ZFHX4: variants seen among roughly 807,000 people sequenced by gnomAD.
ZFHX4 encodes the protein zinc finger homeobox protein 4.
ZFHX4 carries 56 observed loss-of-function variants against 267.6 expected under a neutral mutation model. The observed-to-expected ratio is 0.21, with a 90% CI of 0.17 to 0.26. The LOEUF is 0.26. Among genes scored for constraint, ZFHX4 ranks in the 10% least tolerant of loss-of-function variants. The pLI is 1.00. For missense variants in ZFHX4, 4,332 were observed against 4,420.0 expected (o/e 0.98, Z 0.56); for synonymous variants, 1,778 against 1,665.6 (o/e 1.07, Z -1.64).
Position 76,681,560 on chromosome 8 carries a change from A to G in ZFHX4, c.-107A>G. The G allele has an allele frequency of 2.5e-6, 1 of 398,554 alleles. No homozygotes were observed. The highest frequency in any genetic ancestry group is 4.4e-6 in the Non-Finnish European group (1 of 226,032). The allele number at this position is 398,554 out of a possible 1,614,324, so 24.7% of individuals were successfully genotyped here. A position where few individuals can be genotyped will look rare whatever the true frequency, so the allele number is the denominator to read the frequency against. On this transcript the variant is annotated 5_prime_UTR_variant, in exon 1 of 11. Coordinates refer to ENST00000651372, the MANE Select transcript of ZFHX4 (RefSeq NM_024721.5). ...TACTTGGATGTGATCAGCTGTAAGTAAAATAAAAGCAAAACAAAAAAGAGG... is the reference window on the plus strand; with the variant it reads ...TACTTGGATGTGATCAGCTGTAAGTGAAATAAAAGCAAAACAAAAAAGAGG...
chr8:76,756,881 C>A (rs1809778680), intron 3 of ZFHX4, among the ~76,000 whole-genome samples: 1 of 151,960 alleles, frequency 6.6e-6, no homozygotes, highest in African/African-American at 2.4e-5. Context: ...GTATAAATTG[C>A]CAAATTTTTA....
At chr8:76,764,689 G>A (rs960533669) in intron 3 of ZFHX4, among the ~76,000 whole-genome samples, 8 of 152,108 alleles carry the variant, frequency 5.3e-5, no homozygotes, top group Admixed American at 3.3e-4. Flanking sequence ...GTCCAATTCC[G>A]TACATTTTCA....
chr8:76,684,959 T>A (rs530782583), intron 1 of ZFHX4, among the ~76,000 whole-genome samples: 1 of 152,330 alleles, frequency 6.6e-6, no homozygotes, highest in African/African-American at 2.4e-5. Flanking sequence ...CAATATTAGA[T>A]CCTGCACTGG....
intron 3 of ZFHX4, among the ~76,000 whole-genome samples, chr8:76,763,922 T>C (rs1809984050): frequency 6.6e-6 from 1 of 152,188 alleles, no homozygotes; most frequent in Non-Finnish European, 1.5e-5. Flanking sequence ...TGGATATGGA[T>C]CACATTAATT....
chr8:76,721,549 T>G (rs1808721965), intron 3 of ZFHX4, among the ~76,000 whole-genome samples: 1 of 152,182 alleles, frequency 6.6e-6, no homozygotes, highest in Non-Finnish European at 1.5e-5. Context: ...TTATTTTTTC[T>G]TGTAAGTTGT....
chr8:76,698,776 T>A (rs1337083313), intron 1 of ZFHX4, among the ~76,000 whole-genome samples: 1 of 152,146 alleles, frequency 6.6e-6, no homozygotes, highest in African/African-American at 2.4e-5. Context: ...TGTGCCTGTT[T>A]AAAATGCTGA....
intron 3 of ZFHX4, among the ~76,000 whole-genome samples, chr8:76,751,291 T>C (rs1214396998): frequency 6.6e-6 from 1 of 152,188 alleles, no homozygotes; most frequent in Non-Finnish European, 1.5e-5. Flanking sequence ...TAGTTGTTTA[T>C]ATTCTCATGA....
rs561880424 is a variant in ZFHX4 at position 76,816,152 on chromosome 8, G to A, written c.3326-17186G>A. On this transcript the variant is annotated intron_variant, in intron 4 of 10. Transcript: ENST00000651372. ...CTCAAAGTCACAAAGCTAATTCATG[G>A]TGCAACCCAAGCTTCTGATTCCCAA... is the stretch of plus-strand genomic sequence containing the variant. Among the ~76,000 whole-genome samples, 5 of 152,240 alleles carry A rather than the reference G, an allele frequency of 3.3e-5. No individual in the cohort carries two copies. In the South Asian group the frequency reaches 1.0e-3, roughly 32 times the overall value.
chr8:76,853,735 G>A lies in ZFHX4; in HGVS notation c.6814G>A (p.Val2272Ile). 6.2e-7 allele frequency: 1 copy of A among 1,613,730 alleles called. No individual in the cohort carries two copies. The highest frequency in any genetic ancestry group is 8.5e-7 in the Non-Finnish European group (1 of 1,179,802). Residue 2272 changes from valine (V) to isoleucine (I), a missense_variant, in exon 10 of 11, where the codon GTA becomes ATA. Physicochemically the swap from Val to Ile is conservative, Grantham distance 29. Coordinates refer to ENST00000651372, the MANE Select transcript of ZFHX4 (RefSeq NM_024721.5). ...CAATCTGCCTACCCGGGTTATTGTT[G>A]TATGGTTCCAGAATGCTCGTCAGAA... ...VLNLPTRVIVVWFQNARQKAR... is the reference protein window; with the variant it reads ...VLNLPTRVIVIWFQNARQKAR...
chr8:76,757,661 T>A (rs548111025), intron 3 of ZFHX4, among the ~76,000 whole-genome samples: 2 of 152,284 alleles, frequency 1.3e-5, no homozygotes, highest in East Asian at 3.9e-4. Flanking sequence ...GAGAGAAAAG[T>A]GTTTTAAGTT....
intron 4 of ZFHX4, among the ~76,000 whole-genome samples, chr8:76,826,217 A>G (rs141468333): frequency 4.0e-4 from 61 of 152,298 alleles, no homozygotes; most frequent in Admixed American, 9.8e-4. Flanking sequence ...AAACAACCAC[A>G]TCTTGCATGA....
At chr8:76,690,323 A>T (rs938389186) in intron 1 of ZFHX4, among the ~76,000 whole-genome samples, 2 of 152,120 alleles carry the variant, frequency 1.3e-5, no homozygotes, top group Non-Finnish European at 2.9e-5. Context: ...GGAAATCCAT[A>T]GTTCTAACAA....
rs1387463911 is a variant in ZFHX4, at chr8:76,855,141, T to G, written c.8220T>G (p.Ile2740Met). ...ACCCATCTTTGCCATTAACTAAAATTGATCTATCAAGTGAGAATGAATTGG... is the reference window on the plus strand; with the variant it reads ...ACCCATCTTTGCCATTAACTAAAATGGATCTATCAAGTGAGAATGAATTGG... ...FDYPSLPLTK[I>M]DLSSENELAS... is the part of the protein sequence containing the mutation. The change falls in exon 10 of 11, where the codon ATT (isoleucine) becomes ATG (methionine). Residue 2740 changes from isoleucine to methionine, a missense_variant. Physicochemically the swap from Ile to Met is conservative, Grantham distance 10 (BLOSUM62 1). Coordinates refer to ENST00000651372, the MANE Select transcript of ZFHX4 (RefSeq NM_024721.5). 1 of 1,613,490 alleles carries G rather than the reference T, an allele frequency of 6.2e-7. No homozygotes were observed. Among genetic ancestry groups the G allele is most frequent in the Non-Finnish European group, 8.5e-7 (1 of 1,179,742 alleles).
At chr8:76,830,248 C>A (rs749515792) in intron 4 of ZFHX4, among the ~76,000 whole-genome samples, 2 of 152,092 alleles carry the variant, frequency 1.3e-5, no homozygotes, top group South Asian at 4.1e-4. Flanking sequence ...ATAAAAATAG[C>A]GTAATTTGGC....
At chr8:76,823,353 C>T (rs531766326) in intron 4 of ZFHX4, among the ~76,000 whole-genome samples, 1 of 152,250 alleles carries the variant, frequency 6.6e-6, no homozygotes, top group African/African-American at 2.4e-5. Context: ...CCAAAGAGAG[C>T]AGTGTGCCAA....
chr8:76,779,005 G>A (rs926880245), intron 4 of ZFHX4, among the ~76,000 whole-genome samples: 1 of 152,122 alleles, frequency 6.6e-6, no homozygotes, highest in African/African-American at 2.4e-5. Context: ...CAGCTAACAC[G>A]TTTTGAATGG....
intron 1 of ZFHX4, among the ~76,000 whole-genome samples, chr8:76,697,947 GA>G (rs201440764): frequency 9.1e-4 from 138 of 151,610 alleles, no homozygotes; most frequent in Non-Finnish European, 1.4e-3. Flanking sequence ...ATAAAGACAG[GA>G]AAAAAAAGTC....
chr8:76,853,635 T>C lies in ZFHX4; in HGVS notation c.6714T>C (p.Leu2238=). 2 of 1,613,754 alleles carry C rather than the reference T, an allele frequency of 1.2e-6. No individual in the cohort carries two copies. The highest frequency in any genetic ancestry group is 1.7e-6 in the Non-Finnish European group (2 of 1,179,830). The change falls in exon 10 of 11, where the codon CTT becomes CTC. Residue 2238 remains leucine, a synonymous_variant. Coordinates refer to ENST00000651372, the MANE Select transcript of ZFHX4 (RefSeq NM_024721.5). ...SSRTRFTDYQ[L]RVLQDFFDTN... is the part of the protein sequence containing the mutation. ...GAACGAGATTTACTGACTACCAGCT[T>C]AGGGTTCTGCAAGACTTTTTTGACA...
At chr8:76,801,393 C>G (rs570816371) in intron 4 of ZFHX4, among the ~76,000 whole-genome samples, 1 of 152,014 alleles carries the variant, frequency 6.6e-6, no homozygotes, top group African/African-American at 2.4e-5. Context: ...TTAAAAGGAC[C>G]GTTTAACCTT....
Sources: allele counts gnomAD v4.1 joint callset (sites outside exome capture counted in the v4.1 genomes callset), GRCh38; gene constraint gnomAD v4.1.1; transcripts MANE v1.5; gene names NCBI Gene and HGNC (gene_info 2026-07-23, HGNC 2026-07-21).